The following GRIP1 variants were observed in gnomAD, a reference collection of about 807,000 sequenced individuals.
The protein encoded by GRIP1 is glutamate receptor interacting protein 1, also known as glutamate receptor-interacting protein 1.
Under a neutral mutation model 129.9 loss-of-function variants are expected in GRIP1, and 45 were observed. The ratio of observed to expected loss-of-function variants is 0.35; its 90% CI spans 0.27 to 0.44. GRIP1 has a LOEUF of 0.44. GRIP1 is among the 20% of genes least tolerant of loss of function. The probability of loss-of-function intolerance (pLI) is 1.00; values close to 1 mark genes in which losing one functional copy is unlikely to be tolerated. For missense variants in GRIP1, 1,196 were observed against 1,396.8 expected (o/e 0.86, Z 2.29); for synonymous variants, 530 against 520.8 (o/e 1.02, Z -0.24).
intron 15 of GRIP1, among the ~76,000 whole-genome samples, chr12:66,411,568 T>G (rs2057404267): frequency 6.6e-6 from 1 of 152,252 alleles, no homozygotes; most frequent in Middle Eastern, 3.4e-3. Context: ...CCAGAGTGCT[T>G]CTTCTCTTCC....
chr12:66,981,299 T>C (rs2042239667), intron 1 of GRIP1, among the ~76,000 whole-genome samples: 1 of 46,008 alleles, frequency 2.2e-5, no homozygotes, highest in Admixed American at 2.2e-4. Context: ...CTTATAATTA[T>C]TTGTGTTCAT....
Position 66,617,085 on chromosome 12 carries a change from TTGTGTG to T in GRIP1, c.56-20164_56-20159del, listed in dbSNP as rs71436017. Among the ~76,000 whole-genome samples the T allele has an allele frequency of 4.4e-3, 593 of 135,514 alleles. 6 individuals are homozygous for T. Among genetic ancestry groups the T allele is most frequent in the South Asian group, 0.024 (93 of 3,926 alleles). 88.9% of individuals were successfully genotyped at this position (135,514 alleles called of 152,430 possible). A position where few individuals can be genotyped will look rare whatever the true frequency, so the allele number is the denominator to read the frequency against. ...AGCAACTTGACAAGCAACAGACGTTTTGTGTGTGTGTGTGTGTGTGTGTGTGTGTGT... is the reference window on the plus strand; with the variant it reads ...AGCAACTTGACAAGCAACAGACGTTTTGTGTGTGTGTGTGTGTGTGTGTGT... On this transcript the variant is annotated intron_variant, in intron 1 of 24. Coordinates refer to ENST00000359742, the MANE Select transcript of GRIP1 (RefSeq NM_001366722.1).
At chr12:66,731,240 A>G (rs569302409) in intron 1 of GRIP1, among the ~76,000 whole-genome samples, 3 of 152,240 alleles carry the variant, frequency 2.0e-5, no homozygotes, top group Non-Finnish European at 4.4e-5. Context: ...AGTCTTTGTT[A>G]TAAGTACCAT....
chr12:66,351,434 T>G (rs1484820825), intron 24 of GRIP1, among the ~76,000 whole-genome samples: 1 of 152,174 alleles, frequency 6.6e-6, no homozygotes, highest in East Asian at 1.9e-4. Context: ...TGGTTTCAGA[T>G]ATTGTGAGAG....
At chr12:66,689,431 G>A (rs2034899037) in intron 1 of GRIP1, among the ~76,000 whole-genome samples, 4 of 152,070 alleles carry the variant, frequency 2.6e-5, no homozygotes. Flanking sequence ...TCATCAACAT[G>A]GCTAGCACTC....
At chr12:66,382,694 A>C (rs2056169907) in intron 19 of GRIP1, among the ~76,000 whole-genome samples, 1 of 152,176 alleles carries the variant, frequency 6.6e-6, no homozygotes, top group Admixed American at 6.5e-5. Flanking sequence ...TGCAGTAAAC[A>C]CTTGGGTGTC....
At chr12:66,802,904 T>A (rs1176850494) in intron 1 of GRIP1, among the ~76,000 whole-genome samples, 2 of 152,150 alleles carry the variant, frequency 1.3e-5, no homozygotes, top group Admixed American at 1.3e-4. Context: ...AAGAGAAACA[T>A]CTCTAAAACC....
chr12:66,514,078 A>G (rs940752980), intron 7 of GRIP1, among the ~76,000 whole-genome samples: 2 of 152,122 alleles, frequency 1.3e-5, no homozygotes, highest in African/African-American at 4.8e-5. Context: ...CTATTACAGA[A>G]TACTGTTCTT....
intron 1 of GRIP1, among the ~76,000 whole-genome samples, chr12:66,801,336 C>A (rs187037305): frequency 6.6e-6 from 1 of 152,188 alleles, no homozygotes; most frequent in Admixed American, 6.5e-5. Context: ...TGTACATTGA[C>A]ATACATCAAG....
At chr12:66,792,494 C>G (rs2038573127) in intron 1 of GRIP1, among the ~76,000 whole-genome samples, 1 of 152,020 alleles carries the variant, frequency 6.6e-6, no homozygotes, top group Admixed American at 6.6e-5. Flanking sequence ...AGCTTGAGTT[C>G]AGGAGTTCAA....
At chr12:66,561,623 T>A (rs1021662347) in intron 2 of GRIP1, among the ~76,000 whole-genome samples, 1 of 152,210 alleles carries the variant, frequency 6.6e-6, no homozygotes, top group African/African-American at 2.4e-5. Flanking sequence ...TGGTTCATTA[T>A]GCCCTAAAAA....
chr12:66,952,700 AATTTCT>A (rs1325481620), intron 1 of GRIP1, among the ~76,000 whole-genome samples: 3 of 152,314 alleles, frequency 2.0e-5, no homozygotes, highest in African/African-American at 7.2e-5. Flanking sequence ...ATAGAGTTCA[AATTTCT>A]ATGACTCAAT....
intron 1 of GRIP1, among the ~76,000 whole-genome samples, chr12:66,734,314 C>T (rs984725867): frequency 2.0e-5 from 3 of 152,144 alleles, no homozygotes; most frequent in Non-Finnish European, 2.9e-5. Flanking sequence ...TTGCTTCTGA[C>T]AAATTGGAAG....
intron 6 of GRIP1, among the ~76,000 whole-genome samples, chr12:66,516,115 C>T (rs2060837416): frequency 6.6e-6 from 1 of 152,088 alleles, no homozygotes; most frequent in Non-Finnish European, 1.5e-5. Context: ...TACTATTCAC[C>T]TATTTTCCCA....
At chr12:67,002,915 C>A (rs1366799565) in intron 1 of GRIP1, among the ~76,000 whole-genome samples, 1 of 152,146 alleles carries the variant, frequency 6.6e-6, no homozygotes, top group Non-Finnish European at 1.5e-5. Context: ...AGTCAACCAC[C>A]ACTCATGCCT....
chr12:66,723,296 CTTTCTTTCTTTTTTTTTTT>C lies in GRIP1; in HGVS notation c.-420+80738_-420+80756del, dbSNP rs2036142725. Among the ~76,000 whole-genome samples the C allele has an allele frequency of 1.0e-3, 23 of 22,078 alleles. 4 individuals carry two copies. The highest frequency in any genetic ancestry group is 6.4e-3 in the African/African-American group (23 of 3,620). The allele number at this position is 22,078 out of a possible 152,430, so 14.5% of individuals were successfully genotyped here. A position where few individuals can be genotyped will look rare whatever the true frequency, so the allele number is the denominator to read the frequency against. On this transcript the variant is annotated intron_variant, in intron 1 of 4. Transcript: ENST00000538373. ...CCTTCCTTCCTTCCTTTCTTTCTTT[CTTTCTTTCTTTTTTTTTTT>C]TTTTTTTTTTTTTTTGAGACAGAGT...
intron 1 of GRIP1, among the ~76,000 whole-genome samples, chr12:67,040,198 T>A (rs2044901083): frequency 6.7e-6 from 1 of 149,292 alleles, no homozygotes; most frequent in African/African-American, 2.4e-5. Context: ...TGCCTGCAGA[T>A]CCCTCACACT....
At chr12:66,554,173 A>C (rs1356779787) in intron 2 of GRIP1, among the ~76,000 whole-genome samples, 1 of 152,186 alleles carries the variant, frequency 6.6e-6, no homozygotes, top group Non-Finnish European at 1.5e-5. Context: ...TGAGGAGAGA[A>C]GAGGGAAGAG....
intron 1 of GRIP1, among the ~76,000 whole-genome samples, chr12:66,870,113 A>G (rs1395482176): frequency 6.6e-6 from 1 of 152,144 alleles, no homozygotes; most frequent in African/African-American, 2.4e-5. Context: ...TCTGGGTGAC[A>G]AAATGATCTG....
Sources: gnomAD v4.1 joint callset for allele counts (sites outside exome capture counted in the v4.1 genomes callset) on GRCh38, gnomAD v4.1.1 for gene constraint, MANE v1.5 for transcripts, NCBI Gene and HGNC (gene_info 2026-07-23, HGNC 2026-07-21) for gene names.